Variants in FBXL17 observed in about 807,000 individuals in gnomAD.
The protein encoded by FBXL17 is F-box/LRR-repeat protein 17.
A neutral mutation model predicts 66.2 loss-of-function variants in FBXL17; 22 were observed. That is an observed-to-expected ratio of 0.33 (90% CI 0.24 to 0.47). The LOEUF (loss-of-function observed/expected upper bound fraction) is 0.47. Among genes scored for constraint, FBXL17 ranks in the 20% least tolerant of loss-of-function variants. The probability of loss-of-function intolerance (pLI) is 1.00; values close to 1 mark genes in which losing one functional copy is unlikely to be tolerated. For synonymous variants in FBXL17, 474 were observed against 400.5 expected, an observed-to-expected ratio of 1.18 and a Z score of -2.19; for missense variants, 878 against 948.2, an observed-to-expected ratio of 0.93 and a Z score of 0.97.
At chr5:107,885,883 G>C (rs2112508845) in intron 7 of FBXL17, among the ~76,000 whole-genome samples, 3 of 152,092 alleles carry the variant, frequency 2.0e-5, no homozygotes, top group African/African-American at 7.2e-5. Flanking sequence ...GATACTTCTT[G>C]TAATAGCTCT....
chr5:107,959,098 C>T (rs1207810818), intron 7 of FBXL17, among the ~76,000 whole-genome samples: 1 of 152,018 alleles, frequency 6.6e-6, no homozygotes, highest in African/African-American at 2.4e-5. Context: ...CACCACACGC[C>T]ATGATATTTC....
intron 7 of FBXL17, among the ~76,000 whole-genome samples, chr5:107,941,474 G>A (rs1005319447): frequency 9.9e-5 from 15 of 152,140 alleles, no homozygotes; most frequent in Non-Finnish European, 1.9e-4. Flanking sequence ...GTAGAATGAC[G>A]GATGCTCCAC....
chr5:107,933,389 C>A (rs758209167), intron 7 of FBXL17, among the ~76,000 whole-genome samples: 11 of 152,162 alleles, frequency 7.2e-5, no homozygotes, highest in Non-Finnish European at 1.6e-4. Context: ...TTGTTTTGGT[C>A]CAGTAGGCAA....
At chr5:108,153,650 T>C (rs1751856098) in intron 6 of FBXL17, among the ~76,000 whole-genome samples, 1 of 152,022 alleles carries the variant, frequency 6.6e-6, no homozygotes, top group Admixed American at 6.6e-5. Context: ...GACAATAACA[T>C]CTGTGACTAA....
At chr5:107,980,664 A>T (rs184789149) in intron 7 of FBXL17, among the ~76,000 whole-genome samples, 5,560 of 62,178 alleles carry the variant, frequency 0.089, 1,059 homozygotes, top group African/African-American at 0.11. Flanking sequence ...ATATATATAT[A>T]TTTTTTTTTT....
chr5:108,168,174 A>G (rs1013215172), intron 6 of FBXL17, among the ~76,000 whole-genome samples: 1 of 138,996 alleles, frequency 7.2e-6, no homozygotes, highest in African/African-American at 2.4e-5. Flanking sequence ...CCCTTAAAAT[A>G]GAAAGTCAAA....
chr5:108,381,128 C>A lies in FBXL17; in HGVS notation c.564G>T (p.Glu188Asp), dbSNP rs1345744741. Reference sequence around the variant, plus strand: ...ACACCATTTCGGGGGGCGTAGGGAGCTCGGCCGGTGACGGTGTCGGCCCCC... The same window carrying A: ...ACACCATTTCGGGGGGCGTAGGGAGATCGGCCGGTGACGGTGTCGGCCCCC... ...LFRGPTPSPA[E>D]LPTPPEMVCK... is the part of the protein sequence containing the mutation. Residue 188 changes from glutamate (E) to aspartate (D), a missense_variant, in exon 1 of 9, where the codon GAG becomes GAT. Physicochemically the swap from Glu to Asp is conservative, Grantham distance 45. Transcript: ENST00000542267. The A allele has an allele frequency of 4.4e-6, 6 of 1,369,736 alleles. No individual in the cohort carries two copies. The South Asian group carries it at 6.7e-5, about 15-fold the overall frequency. 84.8% of individuals were successfully genotyped at this position (1,369,736 alleles called of 1,614,324 possible).
intron 4 of FBXL17, among the ~76,000 whole-genome samples, chr5:108,326,794 A>C (rs1759877513): frequency 6.6e-6 from 1 of 152,188 alleles, no homozygotes; most frequent in African/African-American, 2.4e-5. Context: ...GAATGGCTAA[A>C]ATTTAAAAAT....
chr5:108,058,745 T>C (rs1209958278), intron 6 of FBXL17, among the ~76,000 whole-genome samples: 2 of 152,192 alleles, frequency 1.3e-5, no homozygotes, highest in Admixed American at 1.3e-4. Context: ...ACTGTAATTA[T>C]TTATTCTGAT....
chr5:107,907,042 T>C (rs1382716025), intron 7 of FBXL17, among the ~76,000 whole-genome samples: 1 of 152,178 alleles, frequency 6.6e-6, no homozygotes, highest in Non-Finnish European at 1.5e-5. Context: ...AATATCTTCG[T>C]AAAATAGATA....
intron 6 of FBXL17, among the ~76,000 whole-genome samples, chr5:108,139,963 C>G (rs1006660508): frequency 6.6e-6 from 1 of 152,150 alleles, no homozygotes; most frequent in Non-Finnish European, 1.5e-5. Context: ...CCCCTAAACA[C>G]GTTTAAGTTT....
At chr5:107,935,218 G>C (rs959439837) in intron 7 of FBXL17, among the ~76,000 whole-genome samples, 1 of 152,026 alleles carries the variant, frequency 6.6e-6, no homozygotes, top group Non-Finnish European at 1.5e-5. Context: ...CAAGAATCAA[G>C]GACTCCTAAG....
At chr5:108,380,219 G>T (rs1436223982) in intron 1 of FBXL17, among the ~76,000 whole-genome samples, 1 of 152,106 alleles carries the variant, frequency 6.6e-6, no homozygotes, top group Non-Finnish European at 1.5e-5. Context: ...AGATAAATGG[G>T]ATATTATATA....
intron 3 of FBXL17, 65 bp from the exon 4 acceptor site, chr5:108,348,595 T>G: frequency 6.6e-7 from 1 of 1,525,558 alleles, no homozygotes; most frequent in Non-Finnish European, 8.9e-7. Flanking sequence ...TCAAGTGAGA[T>G]TTTCATATAA....
intron 6 of FBXL17, among the ~76,000 whole-genome samples, chr5:108,069,978 A>G (rs1395911685): frequency 6.6e-6 from 1 of 152,212 alleles, no homozygotes; most frequent in African/African-American, 2.4e-5. Flanking sequence ...TATCTAAGTT[A>G]GTTGGTTGAT....
Position 108,260,769 on chromosome 5 carries a change from C to A in FBXL17, c.1507-36541G>T, listed in dbSNP as rs368291437. 4.8e-3 allele frequency among the ~76,000 whole-genome samples: 726 copies of A among 152,256 alleles called. 4 individuals are homozygous for A. Among genetic ancestry groups the A allele is most frequent in the African/African-American group, 0.017 (689 of 41,544 alleles). On this transcript the variant is annotated intron_variant, in intron 4 of 8. Transcript: ENST00000542267. ...GCAATGGCCACTAGATGGCACCAAA[C>A]TACAGCCAGGACCAAGAAAGATTCC...
At chr5:108,005,221 G>C (rs1753880150) in intron 7 of FBXL17, among the ~76,000 whole-genome samples, 1 of 151,868 alleles carries the variant, frequency 6.6e-6, no homozygotes, top group African/African-American at 2.4e-5. Context: ...AATAAAATAG[G>C]AATCTAATGG....
chr5:107,879,706 T>C lies in FBXL17; in HGVS notation c.1965+1331A>G, dbSNP rs1440722293. 3 of 985,350 alleles carry C rather than the reference T, an allele frequency of 3.0e-6. No homozygotes were observed. In the African/African-American group the frequency reaches 5.2e-5, roughly 17 times the overall value. 61.0% of individuals were successfully genotyped at this position (985,350 alleles called of 1,614,324 possible). A position where few individuals can be genotyped will look rare whatever the true frequency, so the allele number is the denominator to read the frequency against. On this transcript the variant is annotated intron_variant, in intron 8 of 8. Coordinates refer to ENST00000542267, the MANE Select transcript of FBXL17 (RefSeq NM_001163315.3). ...GCATGCCCTTTGAATGGCGTGTCTATTTAGTTTCACATTATTTTGCTAGAT... is the reference window on the plus strand; with the variant it reads ...GCATGCCCTTTGAATGGCGTGTCTACTTAGTTTCACATTATTTTGCTAGAT...
At chr5:108,192,037 G>C (rs1753489861) in intron 5 of FBXL17, among the ~76,000 whole-genome samples, 1 of 152,096 alleles carries the variant, frequency 6.6e-6, no homozygotes, top group African/African-American at 2.4e-5. Context: ...ATCATTACAA[G>C]ACACAAAACT....
Sources: allele counts gnomAD v4.1 joint callset (sites outside exome capture counted in the v4.1 genomes callset), GRCh38; gene constraint gnomAD v4.1.1; transcripts MANE v1.5; gene names NCBI Gene and HGNC (gene_info 2026-07-23, HGNC 2026-07-21).